The following UHMK1 variants were observed in gnomAD, a reference collection of about 807,000 sequenced individuals.
UHMK1 encodes the protein serine/threonine-protein kinase Kist.
In UHMK1, 18 loss-of-function variants were observed where a neutral mutation model predicts 44.0. The ratio of observed to expected loss-of-function variants is 0.41; its 90% CI spans 0.28 to 0.61. UHMK1 has a LOEUF of 0.61. Among genes scored for constraint, UHMK1 ranks in the 20% least tolerant of loss-of-function variants. UHMK1 has a pLI of 0.31. For synonymous variants in UHMK1, 231 were observed against 198.5 expected (o/e 1.16, Z -1.38); for missense variants, 463 against 522.5 (o/e 0.89, Z 1.11).
chr1:162,516,722 T>C (rs1439272708), intron 6 of UHMK1, among the ~76,000 whole-genome samples: 1 of 152,180 alleles, frequency 6.6e-6, no homozygotes, highest in East Asian at 1.9e-4. Flanking sequence ...TTACAGTTTA[T>C]GGAAAAGGAA....
intron 1 of UHMK1, among the ~76,000 whole-genome samples, chr1:162,499,534 A>C (rs1288746367): frequency 1.3e-5 from 2 of 152,178 alleles, no homozygotes; most frequent in Non-Finnish European, 1.5e-5. Flanking sequence ...ATTCCTTTTA[A>C]AAGAGTTACT....
At position 162,527,846 on chromosome 1, in the gene UHMK1, G is replaced by C. The variant is rs1024336255; in HGVS notation, c.*5296G>C. 2 of 151,780 alleles carry C rather than the reference G, an allele frequency of 1.3e-5. No individual in the cohort carries two copies. Among genetic ancestry groups the C allele is most frequent in the Non-Finnish European group, 2.9e-5 (2 of 67,866 alleles). 9.4% of individuals were successfully genotyped at this position (151,780 alleles called of 1,614,324 possible). ...TTATAAACCATTAATCGTTTTTTGT[G>C]CAGAAGAGAGCTTATTTTGTTATAC... On this transcript the variant is annotated 3_prime_UTR_variant, in exon 8 of 8. Coordinates refer to ENST00000489294, the MANE Select transcript of UHMK1 (RefSeq NM_175866.5).
chr1:162,516,896 A>G (rs1031207638), intron 6 of UHMK1, among the ~76,000 whole-genome samples: 29 of 152,226 alleles, frequency 1.9e-4, no homozygotes, highest in Non-Finnish European at 2.4e-4. Context: ...TTTGTACATT[A>G]CTAGAGAAAG....
intron 7 of UHMK1, among the ~76,000 whole-genome samples, chr1:162,518,973 T>C (rs558832421): frequency 2.5e-3 from 348 of 140,368 alleles, no homozygotes; most frequent in Non-Finnish European, 4.6e-3. Context: ...TGGGCAACAG[T>C]GTGAGACTCC....
At chr1:162,508,803 T>C (rs1330428036) in intron 4 of UHMK1, among the ~76,000 whole-genome samples, 1 of 152,070 alleles carries the variant, frequency 6.6e-6, no homozygotes, top group African/African-American at 2.4e-5. Context: ...ATACTTTTCT[T>C]TCTCTTCTTT....
intron 5 of UHMK1, 26 bp downstream of exon 5, chr1:162,512,602 T>A: frequency 2.5e-6 from 4 of 1,605,838 alleles, no homozygotes; most frequent in Non-Finnish European, 3.4e-6. Context: ...TTTTATTTTT[T>A]TCTTGGTCAT....
Position 162,522,737 on chromosome 1 carries a change from C to T in UHMK1, c.*187C>T. ...ACATTTGGCACTGAGTAGGACAAGACCTCTCAGCTATACATTGAGGGGTTT... is the reference window on the plus strand; with the variant it reads ...ACATTTGGCACTGAGTAGGACAAGATCTCTCAGCTATACATTGAGGGGTTT... On this transcript the variant is annotated 3_prime_UTR_variant, in exon 8 of 8. Transcript: ENST00000489294. 1 of 607,020 alleles carries T rather than the reference C, an allele frequency of 1.6e-6. No homozygotes were observed. Among genetic ancestry groups the T allele is most frequent in the East Asian group, 3.0e-5 (1 of 33,368 alleles). 37.6% of individuals were successfully genotyped at this position (607,020 alleles called of 1,614,324 possible).
intron 7 of UHMK1, among the ~76,000 whole-genome samples, chr1:162,519,533 G>A (rs1651980346): frequency 6.6e-6 from 1 of 152,160 alleles, no homozygotes; most frequent in Non-Finnish European, 1.5e-5. Context: ...AATATGATTA[G>A]CTTTGTGATG....
rs751972583 is a variant in UHMK1, at chr1:162,512,744, G to A, written c.945G>A (p.Leu315=). Residue 315 remains leucine, a synonymous_variant, in exon 6 of 8, where the codon CTG becomes CTA. Transcript: ENST00000489294. ...TAACAGCCCCTCATATTGAAGATCT[G>A]GTCATGCTTCCCACTCCAGTGCTAA... ...SIPFAPHIED[L]VMLPTPVLRL... is the part of the protein sequence containing the mutation. 6.2e-7 allele frequency: 1 copy of A among 1,614,020 alleles called. No individual in the cohort carries two copies. The highest frequency in any genetic ancestry group is 2.2e-5 in the East Asian group (1 of 44,862).
intron 4 of UHMK1, among the ~76,000 whole-genome samples, chr1:162,511,140 G>A (rs1006337906): frequency 7.9e-5 from 11 of 139,798 alleles, no homozygotes; most frequent in African/African-American, 2.9e-4. Flanking sequence ...TGGGCTATTT[G>A]TTTCCTTGCT....
At chr1:162,498,674 C>G (rs1373242562) in intron 1 of UHMK1, among the ~76,000 whole-genome samples, 1 of 152,120 alleles carries the variant, frequency 6.6e-6, no homozygotes, top group East Asian at 1.9e-4. Flanking sequence ...GCTAGTAACT[C>G]GTATAGCTCA....
intron 6 of UHMK1, among the ~76,000 whole-genome samples, chr1:162,514,269 A>G (rs544232739): frequency 1.4e-4 from 22 of 151,770 alleles, no homozygotes; most frequent in Non-Finnish European, 3.1e-4. Context: ...AGCCTGGGCA[A>G]CAGAGTGAGA....
chr1:162,499,625 AT>A (rs1553223222), intron 1 of UHMK1, among the ~76,000 whole-genome samples: 1 of 151,974 alleles, frequency 6.6e-6, no homozygotes, highest in Non-Finnish European at 1.5e-5. Context: ...ATTTATTTAT[AT>A]TTAGGTTTTT....
chr1:162,500,631 G>A (rs1651234951), intron 2 of UHMK1: 3 of 425,938 alleles, frequency 7.0e-6, no homozygotes, highest in African/African-American at 6.0e-5. Context: ...TTTCTCCATG[G>A]TTTATCATTT....
rs76157443 is a variant in UHMK1 at position 162,528,037 on chromosome 1, G to A, written c.*5487G>A. The A allele has an allele frequency of 2.3e-3, 346 of 151,930 alleles. 2 individuals are homozygous for A. The highest frequency in any genetic ancestry group is 8.1e-3 in the African/African-American group (335 of 41,468). The allele number at this position is 151,930 out of a possible 1,614,324, so 9.4% of individuals were successfully genotyped here. On this transcript the variant is annotated 3_prime_UTR_variant, in exon 8 of 8. Transcript: ENST00000489294. ...ATTTGTAATCACTTTTTTATCCCAGGTTGGAATTGCTTTCCCCTTCTAAGT... is the reference window on the plus strand; with the variant it reads ...ATTTGTAATCACTTTTTTATCCCAGATTGGAATTGCTTTCCCCTTCTAAGT...
At chr1:162,498,513 C>T (rs1434216346) in intron 1 of UHMK1, among the ~76,000 whole-genome samples, 1 of 152,216 alleles carries the variant, frequency 6.6e-6, no homozygotes, top group African/African-American at 2.4e-5. Flanking sequence ...CGAGTCTCAT[C>T]GGAGAATGCC....
intron 1 of UHMK1, among the ~76,000 whole-genome samples, 154 bp downstream of exon 1, chr1:162,498,422 T>A (rs1216827755): frequency 6.6e-6 from 1 of 152,216 alleles, no homozygotes; most frequent in African/African-American, 2.4e-5. Flanking sequence ...CCCCTTTCAC[T>A]TTATTACTGT....
chr1:162,498,311 T>G (rs765605654), intron 1 of UHMK1, 43 bp downstream of exon 1: 2 of 1,541,288 alleles, frequency 1.3e-6, no homozygotes, highest in Non-Finnish European at 1.8e-6. Context: ...CAGGTCACAG[T>G]CCGAGCACAC....
chr1:162,518,960 G>A (rs1256249551), intron 7 of UHMK1, among the ~76,000 whole-genome samples: 2 of 150,490 alleles, frequency 1.3e-5, no homozygotes, highest in African/African-American at 4.9e-5. Context: ...CTGCACTCCA[G>A]CCTGGGCAAC....
Sources: gnomAD v4.1 joint callset for allele counts (sites outside exome capture counted in the v4.1 genomes callset) on GRCh38, gnomAD v4.1.1 for gene constraint, MANE v1.5 for transcripts, NCBI Gene and HGNC (gene_info 2026-07-23, HGNC 2026-07-21) for gene names.